Variants in LSAMP observed in about 807,000 individuals in gnomAD.
LSAMP encodes limbic system-associated membrane protein.
In LSAMP, 7 loss-of-function variants were observed where a neutral mutation model predicts 38.6. The observed-to-expected ratio is 0.18, with a 90% CI of 0.10 to 0.34. The LOEUF is 0.34. LSAMP is among the 10% of genes least tolerant of loss of function. LSAMP has a pLI of 1.00. For missense variants in LSAMP, 313 were observed against 420.0 expected (o/e 0.75, Z 2.23); for synonymous variants, 154 against 166.8 (o/e 0.92, Z 0.59).
chr3:116,027,390 C>T (rs78520872), intron 2 of LSAMP, among the ~76,000 whole-genome samples: 7 of 152,258 alleles, frequency 4.6e-5, no homozygotes, highest in East Asian at 1.9e-4. Context: ...TCCAGAGATA[C>T]GGGGCTTGTG....
chr3:115,894,582 G>T (rs1203893813), intron 3 of LSAMP, among the ~76,000 whole-genome samples: 2 of 151,994 alleles, frequency 1.3e-5, no homozygotes, highest in African/African-American at 4.8e-5. Context: ...ACCATCTTCT[G>T]AGTTAAGCCC....
intron 1 of LSAMP, among the ~76,000 whole-genome samples, chr3:116,286,759 G>A (rs932326721): frequency 3.9e-5 from 6 of 152,044 alleles, no homozygotes; most frequent in East Asian, 1.9e-4. Context: ...GCAGAGGTTT[G>A]TTATAAAAAA....
At chr3:116,000,369 C>T (rs1939955463) in intron 3 of LSAMP, among the ~76,000 whole-genome samples, 1 of 151,964 alleles carries the variant, frequency 6.6e-6, no homozygotes, top group African/African-American at 2.4e-5. Context: ...AGTAAATTTC[C>T]CCAGAACCCC....
chr3:116,163,410 A>C (rs1349201795), intron 1 of LSAMP, among the ~76,000 whole-genome samples: 2 of 151,184 alleles, frequency 1.3e-5, no homozygotes, highest in African/African-American at 4.9e-5. Flanking sequence ...TGAACTCATC[A>C]TTTTTTATGG....
At chr3:116,437,558 G>A (rs1430096941) in intron 1 of LSAMP, among the ~76,000 whole-genome samples, 3 of 151,918 alleles carry the variant, frequency 2.0e-5, no homozygotes, top group Non-Finnish European at 4.4e-5. Flanking sequence ...ACAGGTAAAT[G>A]CAGATTTGAT....
Position 115,805,658 on chromosome 3 carries a change from A to G in LSAMP, c.*4659T>C, listed in dbSNP as rs1002609378. 9 of 152,228 alleles carry G rather than the reference A, an allele frequency of 5.9e-5. No homozygotes were observed. Among genetic ancestry groups the G allele is most frequent in the Non-Finnish European group, 1.2e-4 (8 of 68,032 alleles). 9.4% of individuals were successfully genotyped at this position (152,228 alleles called of 1,614,324 possible). ...CAACGTTAACACCAGCTTCCTTGCC[A>G]AGAGAAAAGTGAGATGTACATGCTG... On this transcript the variant is annotated 3_prime_UTR_variant, in exon 7 of 7. Transcript: ENST00000490035.
chr3:116,086,202 T>G, intron 2 of LSAMP, 122 bp downstream of exon 2: 1 of 823,476 alleles, frequency 1.2e-6, no homozygotes, highest in Non-Finnish European at 1.9e-6. Context: ...AATCGATACT[T>G]AAGTCCAATA....
chr3:116,110,328 C>T (rs1390744850), intron 1 of LSAMP, among the ~76,000 whole-genome samples: 2 of 152,074 alleles, frequency 1.3e-5, no homozygotes, highest in East Asian at 3.9e-4. Flanking sequence ...TGCCCCTTCC[C>T]CAGAAAAGCA....
At chr3:116,375,922 T>C (rs1236696752) in intron 1 of LSAMP, among the ~76,000 whole-genome samples, 1 of 152,020 alleles carries the variant, frequency 6.6e-6, no homozygotes, top group Non-Finnish European at 1.5e-5. Flanking sequence ...ACATCATTTA[T>C]GACAATTTTC....
intron 1 of LSAMP, among the ~76,000 whole-genome samples, chr3:116,265,903 T>C (rs36116077): frequency 1.9e-3 from 293 of 152,290 alleles, no homozygotes; most frequent in Non-Finnish European, 3.7e-3. Context: ...AAAGACATTC[T>C]TTGGATCTTA....
intron 2 of LSAMP, among the ~76,000 whole-genome samples, chr3:116,070,470 T>C (rs1707574079): frequency 6.6e-6 from 1 of 152,218 alleles, no homozygotes; most frequent in South Asian, 2.1e-4. Flanking sequence ...ACCAGTAAAG[T>C]GGACACTGAA....
intron 1 of LSAMP, among the ~76,000 whole-genome samples, chr3:116,345,328 T>C (rs985736358): frequency 1.3e-5 from 2 of 152,206 alleles, no homozygotes; most frequent in African/African-American, 4.8e-5. Context: ...ATAAAGTAAC[T>C]TAATATTGTA....
intron 1 of LSAMP, among the ~76,000 whole-genome samples, chr3:116,357,461 C>T (rs149688185): frequency 9.2e-5 from 14 of 152,150 alleles, no homozygotes; most frequent in Non-Finnish European, 8.8e-5. Context: ...GAGGTTATTC[C>T]AAAGCATGTA....
At chr3:116,301,424 A>AAGAC (rs1370655874) in intron 1 of LSAMP, among the ~76,000 whole-genome samples, 1 of 152,240 alleles carries the variant, frequency 6.6e-6, no homozygotes, top group Non-Finnish European at 1.5e-5. Flanking sequence ...ATCAATAATG[A>AAGAC]AGACTTAGAA....
At chr3:116,328,518 G>T (rs578185658) in intron 1 of LSAMP, among the ~76,000 whole-genome samples, 1 of 152,250 alleles carries the variant, frequency 6.6e-6, no homozygotes, top group South Asian at 2.1e-4. Context: ...TGCCTAATAT[G>T]CTTCCATAAT....
chr3:116,249,334 C>T (rs986349341), intron 1 of LSAMP, among the ~76,000 whole-genome samples: 1 of 151,820 alleles, frequency 6.6e-6, no homozygotes, highest in African/African-American at 2.4e-5. Context: ...AGTTTTCTGC[C>T]TTATCCTGGA....
chr3:116,241,916 T>C (rs2046540832), intron 1 of LSAMP, among the ~76,000 whole-genome samples: 1 of 152,228 alleles, frequency 6.6e-6, no homozygotes. Context: ...AACAGCAGAT[T>C]TGGATTCATC....
At position 115,808,496 on chromosome 3, in the gene LSAMP, G is replaced by A. The variant is rs566108578; in HGVS notation, c.*1821C>T. 1 of 152,102 alleles carries A rather than the reference G, an allele frequency of 6.6e-6. No homozygotes were observed. Among genetic ancestry groups the A allele is most frequent in the South Asian group, 2.1e-4 (1 of 4,814 alleles). 9.4% of individuals were successfully genotyped at this position (152,102 alleles called of 1,614,324 possible). On this transcript the variant is annotated 3_prime_UTR_variant, in exon 7 of 7. Transcript: ENST00000490035. ...TGATGTGGTAACACCAAGCTTTGTG[G>A]TACTCATAAAATTTCTGTCTAAATT...
At chr3:116,432,408 G>T (rs2049293148) in intron 1 of LSAMP, among the ~76,000 whole-genome samples, 1 of 151,630 alleles carries the variant, frequency 6.6e-6, no homozygotes, top group Non-Finnish European at 1.5e-5. Flanking sequence ...ATATATTCAT[G>T]ATACAAATTA....
Sources: allele counts gnomAD v4.1 joint callset (sites outside exome capture counted in the v4.1 genomes callset), GRCh38; gene constraint gnomAD v4.1.1; transcripts MANE v1.5; gene names NCBI Gene and HGNC (gene_info 2026-07-23, HGNC 2026-07-21).